Variants in GTF2E1 observed in about 807,000 individuals in gnomAD.
GTF2E1 encodes the protein TFIIE alpha subunit.
GTF2E1 carries 14 observed loss-of-function variants against 34.9 expected under a neutral mutation model. The observed-to-expected ratio is 0.40, with a 90% confidence interval of 0.27 to 0.63. The LOEUF (loss-of-function observed/expected upper bound fraction) is 0.63, where lower values mean the gene tolerates loss of function less well. Ranked by LOEUF, GTF2E1 falls within the 20% of genes least tolerant of loss-of-function variation. The pLI is 0.39. For synonymous variants in GTF2E1, 188 were observed against 192.9 expected (o/e 0.97, Z 0.21); for missense variants, 469 against 557.7 (o/e 0.84, Z 1.60).
At chr3:120,761,902 T>G (rs1405271077) in intron 2 of GTF2E1, among the ~76,000 whole-genome samples, 1 of 151,218 alleles carries the variant, frequency 6.6e-6, no homozygotes, top group Non-Finnish European at 1.5e-5. Flanking sequence ...GCCATTCTCC[T>G]GCCTCAGCCT....
intron 3 of GTF2E1, 115 bp downstream of exon 3, chr3:120,771,044 T>C (rs1709346625): frequency 6.1e-6 from 5 of 825,936 alleles, no homozygotes; most frequent in Non-Finnish European, 8.3e-6. Context: ...AAGACTGTAA[T>C]GTTACGTAGG....
intron 1 of GTF2E1, among the ~76,000 whole-genome samples, chr3:120,749,428 A>G (rs1324891721): frequency 1.3e-5 from 2 of 152,214 alleles, no homozygotes; most frequent in African/African-American, 2.4e-5. Flanking sequence ...GATACGTCCC[A>G]TCAATACCTA....
chr3:120,742,822 G>T (rs1313468535), intron 1 of GTF2E1, 28 bp downstream of exon 1: 2 of 405,324 alleles, frequency 4.9e-6, no homozygotes, highest in Non-Finnish European at 9.1e-6. Context: ...TTCCTTGTTC[G>T]GAGTTCCCTG....
chr3:120,760,825 G>T (rs1284297189), intron 2 of GTF2E1, among the ~76,000 whole-genome samples: 1 of 152,124 alleles, frequency 6.6e-6, no homozygotes, highest in Non-Finnish European at 1.5e-5. Context: ...GATTCGGTTT[G>T]CCAGTATTGT....
At chr3:120,751,824 T>C (rs1158855591) in intron 2 of GTF2E1, among the ~76,000 whole-genome samples, 2 of 152,200 alleles carry the variant, frequency 1.3e-5, no homozygotes, top group East Asian at 3.8e-4. Flanking sequence ...TTAAATTAGA[T>C]TAAGTCCCTT....
chr3:120,774,602 T>C (rs1709382858), intron 3 of GTF2E1, among the ~76,000 whole-genome samples: 1 of 149,814 alleles, frequency 6.7e-6, no homozygotes, highest in Admixed American at 6.7e-5. Context: ...ACCAGTTATG[T>C]GCAATTGTAG....
intron 4 of GTF2E1, among the ~76,000 whole-genome samples, chr3:120,779,591 G>A (rs1241828531): frequency 6.6e-6 from 1 of 152,148 alleles, no homozygotes; most frequent in African/African-American, 2.4e-5. Context: ...CAGGGATTTA[G>A]CTAATTCATT....
chr3:120,767,630 C>G (rs934464466), intron 2 of GTF2E1, among the ~76,000 whole-genome samples: 13 of 152,220 alleles, frequency 8.5e-5, no homozygotes, highest in Admixed American at 2.0e-4. Flanking sequence ...TGTCTCTGAC[C>G]TGGGGTCTTG....
Position 120,781,170 on chromosome 3 carries a change from G to A in GTF2E1, c.1020G>A (p.Val340=). 2 of 1,614,080 alleles carry A rather than the reference G, an allele frequency of 1.2e-6. No homozygotes were observed. Among genetic ancestry groups the A allele is most frequent in the Non-Finnish European group, 1.7e-6 (2 of 1,179,984 alleles). ...KKTSSAMAGS[V]GAAAPVTAAN... is the part of the protein sequence containing the mutation. ...CTTCCTCTGCCATGGCTGGTTCAGT[G>A]GGGGCAGCTGCTCCAGTGACCGCTG... is the stretch of plus-strand genomic sequence containing the variant. The change falls in exon 5 of 5, where the codon GTG becomes GTA. Residue 340 remains valine, a synonymous_variant. Coordinates refer to ENST00000283875, the MANE Select transcript of GTF2E1 (RefSeq NM_005513.3).
intron 4 of GTF2E1, among the ~76,000 whole-genome samples, chr3:120,777,563 T>G (rs1205378738): frequency 6.6e-6 from 1 of 152,210 alleles, no homozygotes; most frequent in African/African-American, 2.4e-5. Flanking sequence ...TAATTAGCAT[T>G]TAGTATATGT....
At chr3:120,770,412 G>A (rs1425101762) in intron 2 of GTF2E1, among the ~76,000 whole-genome samples, 5 of 152,256 alleles carry the variant, frequency 3.3e-5, no homozygotes, top group Non-Finnish European at 1.5e-5. Flanking sequence ...GGTACAAGTT[G>A]TGGTGGTAAG....
chr3:120,764,266 TG>T (rs1203433743), intron 2 of GTF2E1, among the ~76,000 whole-genome samples: 1 of 152,124 alleles, frequency 6.6e-6, no homozygotes, highest in East Asian at 1.9e-4. Flanking sequence ...AACTAGAATG[TG>T]AGGGCCATGA....
chr3:120,743,680 C>T (rs1559827838), intron 1 of GTF2E1, among the ~76,000 whole-genome samples: 1 of 152,090 alleles, frequency 6.6e-6, no homozygotes, highest in Non-Finnish European at 1.5e-5. Flanking sequence ...TCATTTGAGA[C>T]TTGAAGGATG....
intron 2 of GTF2E1, among the ~76,000 whole-genome samples, chr3:120,751,601 T>C (rs947512074): frequency 6.6e-6 from 1 of 152,188 alleles, no homozygotes; most frequent in Non-Finnish European, 1.5e-5. Flanking sequence ...TGAATAGTTT[T>C]AAGGATTTTT....
In GTF2E1 at chr3:120,781,459, C is replaced by T; in HGVS notation, c.1309C>T (p.Leu437Phe). ...IAMGQRMFED[L>F]FE ...AATGGGACAACGCATGTTTGAGGAC[C>T]TCTTTGAGTGAGCTTTCCCTAATTC... is the stretch of plus-strand genomic sequence containing the variant. Residue 437 changes from leucine to phenylalanine, a missense_variant, in exon 5 of 5, where the codon CTC becomes TTC. Coordinates refer to ENST00000283875, the MANE Select transcript of GTF2E1 (RefSeq NM_005513.3). The T allele has an allele frequency of 6.2e-7, 1 of 1,610,298 alleles. No homozygotes were observed. The highest frequency in any genetic ancestry group is 2.2e-5 in the East Asian group (1 of 44,756).
At chr3:120,781,012 G>C in intron 4 of GTF2E1, 31 bp from the exon 5 acceptor site, 1 of 1,447,786 alleles carries the variant, frequency 6.9e-7, no homozygotes, top group Non-Finnish European at 9.5e-7. Flanking sequence ...TTATATTTAA[G>C]GATATTGACT....
At chr3:120,778,203 A>G (rs1454643074) in intron 4 of GTF2E1, among the ~76,000 whole-genome samples, 4 of 152,256 alleles carry the variant, frequency 2.6e-5, no homozygotes, top group Non-Finnish European at 4.4e-5. Flanking sequence ...ATTATATATT[A>G]AGCTCATAAG....
chr3:120,773,694 C>T (rs1709374992), intron 3 of GTF2E1, among the ~76,000 whole-genome samples: 1 of 152,080 alleles, frequency 6.6e-6, no homozygotes, highest in African/African-American at 2.4e-5. Context: ...CCTCTCATCT[C>T]TGAGTAAGAG....
At chr3:120,743,807 TG>T (rs1709079619) in intron 1 of GTF2E1, among the ~76,000 whole-genome samples, 1 of 152,164 alleles carries the variant, frequency 6.6e-6, no homozygotes, top group African/African-American at 2.4e-5. Context: ...CTGGTGTGGC[TG>T]GTTATGAGGC....
Sources: gnomAD v4.1 joint callset for allele counts (sites outside exome capture counted in the v4.1 genomes callset) on GRCh38, gnomAD v4.1.1 for gene constraint, MANE v1.5 for transcripts, NCBI Gene and HGNC (gene_info 2026-07-23, HGNC 2026-07-21) for gene names.